The following PRKG1 variants were observed in gnomAD, a reference collection of about 807,000 sequenced individuals.
PRKG1 encodes the protein cGMP-dependent protein kinase 1.
Under a neutral mutation model 88.1 loss-of-function variants are expected in PRKG1, and 35 were observed. The observed-to-expected ratio is 0.40, with a 90% CI of 0.30 to 0.53. PRKG1 has a LOEUF of 0.53. PRKG1 is among the 20% of genes least tolerant of loss of function. The pLI is 0.59. For missense variants in PRKG1, 540 were observed against 839.8 expected (o/e 0.64, Z 4.41); for synonymous variants, 303 against 292.5 (o/e 1.04, Z -0.37).
intron 5 of PRKG1, among the ~76,000 whole-genome samples, chr10:51,999,691 A>G (rs1002378837): frequency 1.2e-4 from 18 of 152,000 alleles, no homozygotes; most frequent in Non-Finnish European, 1.5e-5. Flanking sequence ...GTTTATATAT[A>G]TTTACTTTGC....
Position 51,269,664 on chromosome 10 carries a change from T to C in PRKG1, c.478+116334T>C, listed in dbSNP as rs373677869. ...TCACTTACAAGTGGAAGCTAAACTA[T>C]GAGGGTACAAAGGCATAAGAATGAT... On this transcript the variant is annotated intron_variant, in intron 2 of 17. Coordinates refer to ENST00000373980, the MANE Select transcript of PRKG1 (RefSeq NM_006258.4). Among the ~76,000 whole-genome samples, 5 of 152,174 alleles carry C rather than the reference T, an allele frequency of 3.3e-5. 1 individual carries two copies. Among genetic ancestry groups the C allele is most frequent in the African/African-American group, 1.2e-4 (5 of 41,526 alleles).
chr10:51,436,743 T>C (rs1236677484), intron 2 of PRKG1, among the ~76,000 whole-genome samples: 1 of 152,060 alleles, frequency 6.6e-6, no homozygotes, highest in East Asian at 1.9e-4. Context: ...TAGACTGTAC[T>C]TAGATGAGAT....
intron 4 of PRKG1, among the ~76,000 whole-genome samples, chr10:51,893,820 C>T (rs918892301): frequency 5.9e-5 from 9 of 152,124 alleles, no homozygotes; most frequent in Middle Eastern, 6.3e-3. Flanking sequence ...CCTGTAGTTA[C>T]ACAGCTAGGA....
chr10:52,023,763 G>T (rs1359267999), intron 5 of PRKG1, among the ~76,000 whole-genome samples: 1 of 152,140 alleles, frequency 6.6e-6, no homozygotes, highest in Non-Finnish European at 1.5e-5. Context: ...TGATGGGGTT[G>T]TTTTTTCCTT....
In PRKG1 at chr10:51,260,214, C is replaced by T. The variant is rs146590956; in HGVS notation, c.478+106884C>T. 1.5e-4 allele frequency among the ~76,000 whole-genome samples: 23 copies of T among 152,060 alleles called. No homozygotes were observed. The East Asian group carries it at 3.5e-3, about 23-fold the overall frequency. Reference sequence around the variant, plus strand: ...AAGCACCATATGAGCCAGAAAACCACTATTAATAAAAAATATTCCGTGGAA... The same window carrying T: ...AAGCACCATATGAGCCAGAAAACCATTATTAATAAAAAATATTCCGTGGAA... On this transcript the variant is annotated intron_variant, in intron 2 of 17. Coordinates refer to ENST00000373980, the MANE Select transcript of PRKG1 (RefSeq NM_006258.4).
intron 7 of PRKG1, among the ~76,000 whole-genome samples, chr10:52,095,541 C>G (rs1225711629): frequency 1.3e-5 from 2 of 152,238 alleles, no homozygotes; most frequent in African/African-American, 4.8e-5. Context: ...AGGCAGGGAT[C>G]TTTGTCTCCT....
intron 3 of PRKG1, among the ~76,000 whole-genome samples, chr10:51,652,511 G>T (rs1285598888): frequency 6.6e-6 from 1 of 152,010 alleles, no homozygotes; most frequent in Non-Finnish European, 1.5e-5. Flanking sequence ...CATCAAGAAA[G>T]AACTTTTCCA....
At chr10:52,013,839 A>T (rs1844964292) in intron 5 of PRKG1, among the ~76,000 whole-genome samples, 1 of 152,012 alleles carries the variant, frequency 6.6e-6, no homozygotes, top group Non-Finnish European at 1.5e-5. Flanking sequence ...TCTTGATATC[A>T]CTCACTTTTC....
chr10:51,342,895 G>A (rs1842032906), intron 2 of PRKG1, among the ~76,000 whole-genome samples: 1 of 152,148 alleles, frequency 6.6e-6, no homozygotes, highest in African/African-American at 2.4e-5. Flanking sequence ...GTAACATTCA[G>A]TCCTTGGATT....
At chr10:51,496,991 G>GT (rs1373240044) in intron 3 of PRKG1, among the ~76,000 whole-genome samples, 1 of 152,112 alleles carries the variant, frequency 6.6e-6, no homozygotes, top group Non-Finnish European at 1.5e-5. Flanking sequence ...ACTTCAATAA[G>GT]TTAAATGGGC....
rs556918709 is a variant in PRKG1 at position 51,180,381 on chromosome 10, G to T, written c.478+27051G>T. On this transcript the variant is annotated intron_variant, in intron 2 of 17. Coordinates refer to ENST00000373980, the MANE Select transcript of PRKG1 (RefSeq NM_006258.4). ...AAAAATAGTTAAGTAGACTTAGTTT[G>T]CTTTTGCTGTCTGCTTCCCTCCCTT... is the stretch of plus-strand genomic sequence containing the variant. Among the ~76,000 whole-genome samples, 10 of 152,250 alleles carry T rather than the reference G, an allele frequency of 6.6e-5. No homozygotes were observed. In the South Asian group the frequency reaches 2.1e-3, roughly 32 times the overall value.
At chr10:51,243,083 C>G (rs1839196336) in intron 2 of PRKG1, among the ~76,000 whole-genome samples, 2 of 152,008 alleles carry the variant, frequency 1.3e-5, no homozygotes, top group Admixed American at 1.3e-4. Context: ...GGAAATGCCC[C>G]TTAATTAGTA....
intron 4 of PRKG1, among the ~76,000 whole-genome samples, chr10:51,834,816 G>A (rs1047174519): frequency 2.0e-5 from 3 of 152,054 alleles, no homozygotes; most frequent in African/African-American, 4.8e-5. Flanking sequence ...ATGAGTCTAT[G>A]GGGGTACGTC....
intron 3 of PRKG1, among the ~76,000 whole-genome samples, chr10:51,486,887 T>G (rs910120189): frequency 4.6e-5 from 7 of 152,158 alleles, no homozygotes; most frequent in African/African-American, 1.7e-4. Context: ...GTGCGGTAGT[T>G]ATTTTTTCTG....
At chr10:51,568,116 A>C (rs1363935602) in intron 3 of PRKG1, among the ~76,000 whole-genome samples, 1 of 152,072 alleles carries the variant, frequency 6.6e-6, no homozygotes, top group Non-Finnish European at 1.5e-5. Context: ...AAGAAAAAAA[A>C]AATGCTTCAC....
intron 5 of PRKG1, among the ~76,000 whole-genome samples, chr10:51,946,720 G>A (rs1043143635): frequency 1.5e-4 from 23 of 152,052 alleles, no homozygotes; most frequent in African/African-American, 5.6e-4. Context: ...TTTGCTAGAG[G>A]TCCACTCCAG....
At chr10:51,891,968 A>T (rs1287778972) in intron 4 of PRKG1, among the ~76,000 whole-genome samples, 1 of 152,178 alleles carries the variant, frequency 6.6e-6, no homozygotes, top group Non-Finnish European at 1.5e-5. Flanking sequence ...TTATCAAGCA[A>T]GTTTTCTCAG....
intron 5 of PRKG1, among the ~76,000 whole-genome samples, chr10:52,031,837 C>T (rs1044792540): frequency 1.3e-5 from 2 of 152,004 alleles, no homozygotes; most frequent in Non-Finnish European, 2.9e-5. Context: ...TTTGGATGAT[C>T]AAGGGATAAT....
chr10:51,627,677 G>A (rs1346670269), intron 3 of PRKG1, among the ~76,000 whole-genome samples: 3 of 152,160 alleles, frequency 2.0e-5, no homozygotes, highest in Non-Finnish European at 4.4e-5. Context: ...TTTGAAGTCA[G>A]ACTTGCAAAT....
Sources: allele counts gnomAD v4.1 joint callset (sites outside exome capture counted in the v4.1 genomes callset), GRCh38; gene constraint gnomAD v4.1.1; transcripts MANE v1.5; gene names NCBI Gene and HGNC (gene_info 2026-07-23, HGNC 2026-07-21).